BMAL1: variants seen among roughly 807,000 people sequenced by gnomAD.
BMAL1 encodes the protein basic helix-loop-helix ARNT-like protein 1.
chr11:13,300,202 T>A, the BMAL1 span, among the ~76,000 whole-genome samples: 1 of 152,212 alleles, frequency 6.6e-6, no homozygotes, highest in Non-Finnish European at 1.5e-5. Context: ...ATCAAGGGAA[T>A]GTTTTCAGTA....
chr11:13,332,151 C>T, the BMAL1 span, among the ~76,000 whole-genome samples: 1 of 152,122 alleles, frequency 6.6e-6, no homozygotes, highest in Non-Finnish European at 1.5e-5. Context: ...AGGGAGGAAT[C>T]AGGGCTGTGG....
At chr11:13,374,830 T>C in the BMAL1 span, among the ~76,000 whole-genome samples, 1 of 152,232 alleles carries the variant, frequency 6.6e-6, no homozygotes, top group Non-Finnish European at 1.5e-5. Flanking sequence ...AACCTCCTGC[T>C]TTAGACTCAA....
chr11:13,346,650 G>C, the BMAL1 span, among the ~76,000 whole-genome samples: 1 of 152,188 alleles, frequency 6.6e-6, no homozygotes, highest in Non-Finnish European at 1.5e-5. Flanking sequence ...CCATGCTCCT[G>C]GGTGGAATGG....
At chr11:13,314,276 G>GTCTC in the BMAL1 span, among the ~76,000 whole-genome samples, 2,403 of 109,794 alleles carry the variant, frequency 0.022, 19 homozygotes, top group African/African-American at 0.042. Context: ...CACACACTCT[G>GTCTC]TCTCTCTCTC....
the BMAL1 span, among the ~76,000 whole-genome samples, chr11:13,292,359 C>T: frequency 6.6e-6 from 1 of 151,350 alleles, no homozygotes; most frequent in African/African-American, 2.4e-5. Context: ...CCTGCTAGCA[C>T]GGTGAAACCC....
the BMAL1 span, chr11:13,385,746 C>A: frequency 6.2e-7 from 1 of 1,613,714 alleles, no homozygotes; most frequent in Non-Finnish European, 8.5e-7. Context: ...AGGCCAGGCT[C>A]AGGAGAACCC....
At chr11:13,375,056 A>G in the BMAL1 span, among the ~76,000 whole-genome samples, 1 of 152,070 alleles carries the variant, frequency 6.6e-6, no homozygotes, top group Non-Finnish European at 1.5e-5. Flanking sequence ...TCATCCCTCA[A>G]GGCTCTGATC....
chr11:13,371,337 TAG>T, the BMAL1 span, among the ~76,000 whole-genome samples: 5,155 of 152,282 alleles, frequency 0.034, 281 homozygotes, highest in African/African-American at 0.12. Context: ...CCAGAAAAGT[TAG>T]AGTCATCTTC....
the BMAL1 span, chr11:13,356,768 C>G: frequency 6.2e-7 from 1 of 1,614,148 alleles, no homozygotes; most frequent in Non-Finnish European, 8.5e-7. Context: ...AAAGATGACC[C>G]TCATGGAAGG....
the BMAL1 span, chr11:13,381,397 G>T: frequency 5.1e-6 from 4 of 784,002 alleles, no homozygotes; most frequent in Admixed American, 8.7e-5. Flanking sequence ...TCTGTGTGAG[G>T]CTGGATACAA....
the BMAL1 span, among the ~76,000 whole-genome samples, chr11:13,293,151 G>T: frequency 5.3e-5 from 8 of 152,168 alleles, no homozygotes; most frequent in African/African-American, 1.9e-4. Context: ...CAGGGCATGT[G>T]CAGCCATCTA....
At chr11:13,365,367 A>G in the BMAL1 span, 306 of 681,550 alleles carry the variant, frequency 4.5e-4, 2 homozygotes, top group Non-Finnish European at 1.0e-4. Context: ...TCCTGCACTC[A>G]GGATATCACT....
At chr11:13,347,245 G>A in the BMAL1 span, among the ~76,000 whole-genome samples, 3 of 151,996 alleles carry the variant, frequency 2.0e-5, no homozygotes, top group African/African-American at 4.8e-5. Context: ...GCTACGTATG[G>A]TGGCACATGC....
the BMAL1 span, among the ~76,000 whole-genome samples, chr11:13,300,118 A>T: frequency 6.6e-6 from 1 of 152,080 alleles, no homozygotes; most frequent in Non-Finnish European, 1.5e-5. Flanking sequence ...TCTACTCTTA[A>T]CATTACGCCC....
the BMAL1 span, chr11:13,375,559 T>TA: frequency 6.9e-7 from 1 of 1,448,484 alleles, no homozygotes; most frequent in Admixed American, 2.4e-5. Flanking sequence ...ATGTCCTGTT[T>TA]AATACTTTGG....
chr11:13,345,537 A>G, the BMAL1 span, among the ~76,000 whole-genome samples: 1 of 151,724 alleles, frequency 6.6e-6, no homozygotes, highest in Non-Finnish European at 1.5e-5. Flanking sequence ...CTTGCTTTTT[A>G]TGTTTTGTTT....
chr11:13,287,449 A>G, the BMAL1 span, among the ~76,000 whole-genome samples: 1 of 152,206 alleles, frequency 6.6e-6, no homozygotes, highest in Non-Finnish European at 1.5e-5. Context: ...ATGCTGGAAT[A>G]CCAGTGGCAA....
chr11:13,366,697 C>T, the BMAL1 span: 8 of 1,613,966 alleles, frequency 5.0e-6, no homozygotes, highest in Admixed American at 1.7e-5. Context: ...TGTTTGACTA[C>T]CTGCATCCTA....
At chr11:13,322,669 T>C in the BMAL1 span, among the ~76,000 whole-genome samples, 1 of 151,128 alleles carries the variant, frequency 6.6e-6, no homozygotes, top group South Asian at 2.1e-4. Flanking sequence ...AAGTGACACA[T>C]GGGTTTGTCC....
Sources: gnomAD v4.1 joint callset for allele counts (sites outside exome capture counted in the v4.1 genomes callset) on GRCh38, gnomAD v4.1.1 for gene constraint, MANE v1.5 for transcripts, NCBI Gene and HGNC (gene_info 2026-07-23, HGNC 2026-07-21) for gene names.